C3orf20: variants seen among roughly 807,000 people sequenced by gnomAD.
The protein encoded by C3orf20 is uncharacterized protein C3orf20.
A neutral mutation model predicts 88.3 loss-of-function variants in C3orf20; 76 were observed. That is an observed-to-expected ratio of 0.86 (90% CI 0.72 to 1.04). C3orf20 has a LOEUF of 1.04. Ranked by LOEUF, C3orf20 falls within the 50% of genes least tolerant of loss-of-function variation. The pLI is 0.00. For synonymous variants in C3orf20, 436 were observed against 437.4 expected (o/e 1.00, Z 0.04); for missense variants, 1,056 against 1,123.3 (o/e 0.94, Z 0.86).
intron 1 of C3orf20, among the ~76,000 whole-genome samples, chr3:14,678,876 A>G (rs546470378): frequency 1.3e-5 from 2 of 152,312 alleles, no homozygotes; most frequent in Admixed American, 1.3e-4. Flanking sequence ...ATTTGCATGG[A>G]GTATTTGATT....
At position 14,757,456 on chromosome 3, in the gene C3orf20, AAGGAAG is replaced by A; in HGVS notation, c.2028_2033del (p.Lys676_Asp678delinsAsn). On this transcript the variant is annotated inframe_deletion, in exon 13 of 17. Transcript: ENST00000253697. ...GCTGGTGCTGCGGAAGCTCATGCTC[AAGGAAG>A]ACACCCGTGCTGGCTGCAAGTGCCT... 6.2e-7 allele frequency: 1 copy of A among 1,612,826 alleles called. No individual in the cohort carries two copies. Among genetic ancestry groups the A allele is most frequent in the Non-Finnish European group, 8.5e-7 (1 of 1,179,936 alleles).
At chr3:14,684,403 C>T (rs555164857) in intron 4 of C3orf20, 21 bp downstream of exon 4, 2 of 1,611,244 alleles carry the variant, frequency 1.2e-6, no homozygotes, top group Admixed American at 3.4e-5. Context: ...GAGCTTCAAC[C>T]CTTAGGTAAG....
At chr3:14,745,016 A>G (rs983146353) in intron 12 of C3orf20, among the ~76,000 whole-genome samples, 7 of 152,230 alleles carry the variant, frequency 4.6e-5, no homozygotes, top group Non-Finnish European at 8.8e-5. Context: ...TTAAACAGTG[A>G]GTGCTGTGAA....
At chr3:14,706,368 C>T (rs1168474755) in intron 7 of C3orf20, among the ~76,000 whole-genome samples, 7 of 152,008 alleles carry the variant, frequency 4.6e-5, no homozygotes, top group Admixed American at 4.6e-4. Flanking sequence ...TGACTCTTTG[C>T]TGCATTTAAT....
At chr3:14,728,920 T>C (rs944839705) in intron 12 of C3orf20, among the ~76,000 whole-genome samples, 1 of 152,180 alleles carries the variant, frequency 6.6e-6, no homozygotes, top group African/African-American at 2.4e-5. Flanking sequence ...TGGACCAAAT[T>C]TGGCCCAGCT....
At chr3:14,689,931 A>G in intron 4 of C3orf20, 66 bp from the exon 5 acceptor site, 1 of 1,607,388 alleles carries the variant, frequency 6.2e-7, no homozygotes, top group Non-Finnish European at 8.5e-7. Flanking sequence ...AATCCATGTT[A>G]CATTTTTGGC....
At chr3:14,687,647 C>G (rs887849320) in intron 4 of C3orf20, among the ~76,000 whole-genome samples, 10 of 152,334 alleles carry the variant, frequency 6.6e-5, no homozygotes, top group Admixed American at 5.2e-4. Flanking sequence ...GCCCAACCCT[C>G]GGGCCTGACA....
intron 7 of C3orf20, among the ~76,000 whole-genome samples, chr3:14,708,632 TTTGTTG>T (rs559283768): frequency 5.3e-5 from 8 of 151,602 alleles, no homozygotes; most frequent in African/African-American, 9.7e-5. Context: ...CCATTAACAG[TTTGTTG>T]TTGTTGTTGT....
At chr3:14,749,710 A>G (rs1048332851) in intron 12 of C3orf20, among the ~76,000 whole-genome samples, 13 of 113,034 alleles carry the variant, frequency 1.2e-4, no homozygotes, top group Non-Finnish European at 1.9e-5. Context: ...TTTTTTTTTT[A>G]CTGTATGGTT....
At chr3:14,756,052 AAG>A (rs2125028946) in intron 12 of C3orf20, among the ~76,000 whole-genome samples, 1 of 150,862 alleles carries the variant, frequency 6.6e-6, no homozygotes, top group East Asian at 2.0e-4. Flanking sequence ...AAAAAAGAAA[AAG>A]AAAAAAGAAA....
intron 10 of C3orf20, chr3:14,722,073 G>T (rs2034184675): frequency 5.7e-6 from 2 of 348,106 alleles, no homozygotes; most frequent in Non-Finnish European, 5.4e-6. Flanking sequence ...TCAATATGCA[G>T]TTTCAGGCAT....
chr3:14,728,684 T>G lies in C3orf20; in HGVS notation c.1936T>G (p.Ser646Ala). 1 of 1,613,198 alleles carries G rather than the reference T, an allele frequency of 6.2e-7. No individual in the cohort carries two copies. Among genetic ancestry groups the G allele is most frequent in the Non-Finnish European group, 8.5e-7 (1 of 1,179,978 alleles). The change falls in exon 12 of 17, where the codon TCC becomes GCC. Residue 646 changes from serine to alanine, a missense_variant. Transcript: ENST00000253697. ...TKIHTKAKVT[S>A]RGKAREGRSP... Reference sequence around the variant, plus strand: ...AATCCACACCAAAGCCAAGGTCACATCCAGGTTGGCTTGGTCCTTCACGTC... The same window carrying G: ...AATCCACACCAAAGCCAAGGTCACAGCCAGGTTGGCTTGGTCCTTCACGTC...
intron 12 of C3orf20, among the ~76,000 whole-genome samples, chr3:14,745,200 A>G (rs1045745042): frequency 2.6e-5 from 4 of 152,094 alleles, no homozygotes; most frequent in Admixed American, 2.6e-4. Context: ...CCACAGAGAG[A>G]GAGAGAGCAG....
intron 5 of C3orf20, among the ~76,000 whole-genome samples, chr3:14,702,466 A>C (rs1575106895): frequency 7.8e-6 from 1 of 128,088 alleles, no homozygotes; most frequent in Non-Finnish European, 1.6e-5. Context: ...TTTGAGTTGG[A>C]GTCTCACTCT....
chr3:14,692,363 A>G (rs1276690398), intron 5 of C3orf20, among the ~76,000 whole-genome samples: 1 of 152,220 alleles, frequency 6.6e-6, no homozygotes, highest in Non-Finnish European at 1.5e-5. Context: ...CATTCCCACC[A>G]ACAGTTAGGA....
At chr3:14,706,985 C>T (rs149331795) in intron 7 of C3orf20, among the ~76,000 whole-genome samples, 4 of 151,936 alleles carry the variant, frequency 2.6e-5, no homozygotes, top group Non-Finnish European at 4.4e-5. Context: ...CGTGGTGGCT[C>T]GTGCCTGTAA....
At chr3:14,744,411 A>G (rs1413984253) in intron 12 of C3orf20, among the ~76,000 whole-genome samples, 2 of 151,964 alleles carry the variant, frequency 1.3e-5, no homozygotes, top group Non-Finnish European at 2.9e-5. Context: ...AAGCCATTCA[A>G]CAAGTCTCTA....
At chr3:14,751,148 C>T (rs925765891) in intron 12 of C3orf20, among the ~76,000 whole-genome samples, 1 of 152,134 alleles carries the variant, frequency 6.6e-6, no homozygotes, top group African/African-American at 2.4e-5. Context: ...TTTCATAATT[C>T]TTGTCTCTTT....
chr3:14,728,532 A>G lies in C3orf20; in HGVS notation c.1784A>G (p.Lys595Arg). 5 of 1,614,196 alleles carry G rather than the reference A, an allele frequency of 3.1e-6. No individual in the cohort carries two copies. The highest frequency in any genetic ancestry group is 4.2e-6 in the Non-Finnish European group (5 of 1,180,024). Reference protein sequence around the residue: ...RSRTHPERLPKLSLYSGESLL... With the variant: ...RSRTHPERLPRLSLYSGESLL... Reference sequence around the variant, plus strand: ...AGAACTCATCCCGAGCGGCTCCCCAAGCTAAGTTTATACTCAGGAGAAAGT... The same window carrying G: ...AGAACTCATCCCGAGCGGCTCCCCAGGCTAAGTTTATACTCAGGAGAAAGT... Residue 595 changes from lysine (K) to arginine (R), a missense_variant, in exon 12 of 17, where the codon AAG (lysine) becomes AGG (arginine). By Grantham distance (26) the Lys-to-Arg change is conservative. Transcript: ENST00000253697.
Sources: allele counts gnomAD v4.1 joint callset (sites outside exome capture counted in the v4.1 genomes callset), GRCh38; gene constraint gnomAD v4.1.1; transcripts MANE v1.5; gene names NCBI Gene and HGNC (gene_info 2026-07-23, HGNC 2026-07-21).